The following SBF2 variants were observed in gnomAD, a reference collection of about 807,000 sequenced individuals.
SBF2 encodes the protein myotubularin-related protein 13.
A neutral mutation model predicts 225.2 loss-of-function variants in SBF2; 112 were observed. That is an observed-to-expected ratio of 0.50 (90% CI 0.43 to 0.58). SBF2 has a LOEUF of 0.58. Ranked by LOEUF, SBF2 falls within the 20% of genes least tolerant of loss-of-function variation. SBF2 has a pLI of 0.00. For missense variants in SBF2, 1,996 were observed against 2,206.2 expected (o/e 0.90, Z 1.91); for synonymous variants, 763 against 773.3 (o/e 0.99, Z 0.22).
At chr11:9,899,197 T>C (rs1039084462) in intron 16 of SBF2, among the ~76,000 whole-genome samples, 5 of 151,750 alleles carry the variant, frequency 3.3e-5, no homozygotes, top group African/African-American at 9.7e-5. Flanking sequence ...AGGAGAGCAA[T>C]AAAATAGTCA....
intron 17 of SBF2, among the ~76,000 whole-genome samples, chr11:9,882,722 A>G (rs754107443): frequency 3.5e-5 from 5 of 141,666 alleles, no homozygotes; most frequent in Non-Finnish European, 7.6e-5. Context: ...CAGGAGAATC[A>G]CTTGTACCCA....
At chr11:9,805,413 T>C (rs903702246) in intron 32 of SBF2, among the ~76,000 whole-genome samples, 1 of 152,152 alleles carries the variant, frequency 6.6e-6, no homozygotes, top group African/African-American at 2.4e-5. Flanking sequence ...GTATCCCAGA[T>C]TGTGTAGCCA....
intron 16 of SBF2, among the ~76,000 whole-genome samples, chr11:9,924,919 T>A (rs1863913522): frequency 6.6e-6 from 1 of 151,998 alleles, no homozygotes; most frequent in African/African-American, 2.4e-5. Context: ...CAGCTATTTT[T>A]TTTATGTTTT....
At chr11:10,113,147 C>G (rs1261976075) in intron 2 of SBF2, among the ~76,000 whole-genome samples, 1 of 151,948 alleles carries the variant, frequency 6.6e-6, no homozygotes, top group Non-Finnish European at 1.5e-5. Context: ...GTGCACACCA[C>G]CACATCTGGC....
chr11:9,994,844 C>T (rs1947620090), intron 9 of SBF2, among the ~76,000 whole-genome samples: 1 of 151,998 alleles, frequency 6.6e-6, no homozygotes, highest in African/African-American at 2.4e-5. Flanking sequence ...TGAAACCAGC[C>T]TGGCCAACAT....
intron 13 of SBF2, among the ~76,000 whole-genome samples, chr11:9,976,065 TC>T (rs1946664629): frequency 2.0e-5 from 3 of 146,628 alleles, no homozygotes; most frequent in African/African-American, 7.6e-5. Context: ...TTCTTCTTCT[TC>T]TTCTTCTTTT....
At chr11:10,141,695 C>T (rs16907496) in intron 2 of SBF2, among the ~76,000 whole-genome samples, 11,605 of 152,134 alleles carry the variant, frequency 0.076, 634 homozygotes, top group East Asian at 0.28. Context: ...CTCATAAATA[C>T]TAGTAAGTAT....
chr11:10,162,488 G>C (rs1408497811), intron 2 of SBF2, among the ~76,000 whole-genome samples: 2 of 152,184 alleles, frequency 1.3e-5, no homozygotes, highest in East Asian at 3.8e-4. Flanking sequence ...GGCCAGAGCA[G>C]CAACTAAAAT....
intron 2 of SBF2, among the ~76,000 whole-genome samples, chr11:10,163,496 T>C (rs190066476): frequency 6.6e-6 from 1 of 152,146 alleles, no homozygotes; most frequent in Non-Finnish European, 1.5e-5. Flanking sequence ...ACAATAAGAG[T>C]AGCAACAGAT....
chr11:10,133,632 A>C, intron 2 of SBF2, among the ~76,000 whole-genome samples: 1 of 147,384 alleles, frequency 6.8e-6, no homozygotes, highest in Non-Finnish European at 1.5e-5. Context: ...CCCACCCGGA[A>C]CTCCAGCTGG....
At chr11:10,053,541 C>A (rs891695814) in intron 2 of SBF2, among the ~76,000 whole-genome samples, 1 of 152,116 alleles carries the variant, frequency 6.6e-6, no homozygotes, top group South Asian at 2.1e-4. Flanking sequence ...TGTGCCAAGC[C>A]AGGCCAGGGC....
chr11:10,108,521 T>C (rs1952667221), intron 2 of SBF2, among the ~76,000 whole-genome samples: 1 of 134,110 alleles, frequency 7.5e-6, no homozygotes, highest in South Asian at 2.6e-4. Flanking sequence ...TTAACTTTTT[T>C]TTTTTTTTTT....
chr11:9,986,324 AAAAGTCTG>A (rs548849193), intron 13 of SBF2, among the ~76,000 whole-genome samples: 130 of 152,308 alleles, frequency 8.5e-4, no homozygotes, highest in African/African-American at 3.0e-3. Flanking sequence ...GCCTACATCA[AAAAGTCTG>A]AAAGAGCACA....
At chr11:10,187,623 A>G (rs1956985704) in intron 2 of SBF2, among the ~76,000 whole-genome samples, 1 of 148,424 alleles carries the variant, frequency 6.7e-6, no homozygotes, top group African/African-American at 2.5e-5. Flanking sequence ...ATCAGACATC[A>G]CTCTTGTTAA....
chr11:10,193,591 AT>A (rs1957263066), intron 2 of SBF2, among the ~76,000 whole-genome samples: 2 of 152,110 alleles, frequency 1.3e-5, no homozygotes, highest in South Asian at 4.1e-4. Flanking sequence ...TTACCTCGTA[AT>A]CCGCCCGCCT....
chr11:10,204,423 G>A (rs1452845962), intron 1 of SBF2, among the ~76,000 whole-genome samples: 2 of 151,908 alleles, frequency 1.3e-5, no homozygotes, highest in African/African-American at 2.4e-5. Context: ...GGCAGATCAC[G>A]AGGTCAAGAG....
chr11:10,086,704 T>C (rs1266461819), intron 2 of SBF2, among the ~76,000 whole-genome samples: 1 of 152,232 alleles, frequency 6.6e-6, no homozygotes, highest in Non-Finnish European at 1.5e-5. Context: ...TTGAGGACAC[T>C]GCAGAGATAA....
chr11:9,996,772 T>C (rs530312105), intron 9 of SBF2, among the ~76,000 whole-genome samples: 12 of 151,832 alleles, frequency 7.9e-5, no homozygotes, highest in Non-Finnish European at 1.8e-4. Flanking sequence ...GTACACATTA[T>C]AATAAAAACA....
At chr11:9,825,575 G>A (rs1033581699) in intron 28 of SBF2, among the ~76,000 whole-genome samples, 2 of 152,170 alleles carry the variant, frequency 1.3e-5, no homozygotes, top group Non-Finnish European at 2.9e-5. Flanking sequence ...TTCTGACGAG[G>A]CAGGAAAAGA....
Sources: allele counts gnomAD v4.1 joint callset (sites outside exome capture counted in the v4.1 genomes callset), GRCh38; gene constraint gnomAD v4.1.1; transcripts MANE v1.5; gene names NCBI Gene and HGNC (gene_info 2026-07-23, HGNC 2026-07-21).